SLC25A21: variants seen among roughly 807,000 people sequenced by gnomAD.
The protein encoded by SLC25A21 is mitochondrial 2-oxodicarboxylate carrier.
A neutral mutation model predicts 43.8 loss-of-function variants in SLC25A21; 47 were observed. That is an observed-to-expected ratio of 1.07 (90% confidence interval 0.85 to 1.37). The LOEUF (loss-of-function observed/expected upper bound fraction) is 1.37, where lower values mean the gene tolerates loss of function less well. Ranked by LOEUF, SLC25A21 falls within the 40% of genes most tolerant of loss-of-function variation. The pLI is 0.00. For missense variants in SLC25A21, 352 were observed against 350.2 expected (o/e 1.00, Z -0.04); for synonymous variants, 131 against 121.3 (o/e 1.08, Z -0.52).
intron 1 of SLC25A21, among the ~76,000 whole-genome samples, chr14:37,163,481 G>C (rs1216501614): frequency 6.6e-6 from 1 of 151,694 alleles, no homozygotes; most frequent in East Asian, 1.9e-4. Context: ...CAAAATAATT[G>C]ACACAAACAT....
intron 1 of SLC25A21, among the ~76,000 whole-genome samples, chr14:37,062,003 G>A (rs756305051): frequency 4.1e-5 from 6 of 146,510 alleles, no homozygotes; most frequent in Non-Finnish European, 7.7e-5. Flanking sequence ...ATGGGAAAAT[G>A]GTCCAAACAG....
At chr14:36,982,618 C>T (rs1312448800) in intron 1 of SLC25A21, among the ~76,000 whole-genome samples, 1 of 151,994 alleles carries the variant, frequency 6.6e-6, no homozygotes, top group African/African-American at 2.4e-5. Context: ...AGTTCAAGAC[C>T]AGCCTGACCA....
At chr14:36,734,388 T>G in intron 4 of SLC25A21, 119 bp downstream of exon 4, 1 of 616,616 alleles carries the variant, frequency 1.6e-6, no homozygotes, top group Non-Finnish European at 2.7e-6. Context: ...ATGCTATAAT[T>G]TCTGCATTAA....
At chr14:37,106,582 AG>A (rs367806956) in intron 1 of SLC25A21, among the ~76,000 whole-genome samples, 17 of 152,258 alleles carry the variant, frequency 1.1e-4, no homozygotes, top group African/African-American at 4.1e-4. Flanking sequence ...AGACAATACA[AG>A]CACCACTGAA....
At chr14:37,137,999 A>C (rs1963511792) in intron 1 of SLC25A21, among the ~76,000 whole-genome samples, 1 of 152,208 alleles carries the variant, frequency 6.6e-6, no homozygotes, top group South Asian at 2.1e-4. Flanking sequence ...TATGTTGCTT[A>C]CATTCCTAGA....
chr14:36,797,763 G>C (rs772938084), intron 3 of SLC25A21, among the ~76,000 whole-genome samples: 5 of 152,182 alleles, frequency 3.3e-5, no homozygotes, highest in Non-Finnish European at 5.9e-5. Flanking sequence ...TTTTTATGTA[G>C]TTGATCCCAA....
At position 36,679,922 on chromosome 14, in the gene SLC25A21, T is replaced by C; in HGVS notation, c.*736A>G. ...TGTTTCCTACTTGTGTTAGAAGAGA[T>C]TTGGAATACCTTGATTTAAACATGC... On this transcript the variant is annotated 3_prime_UTR_variant, in exon 10 of 10. Coordinates refer to ENST00000331299, the MANE Select transcript of SLC25A21 (RefSeq NM_030631.4). The C allele has an allele frequency of 2.6e-5, 24 of 933,922 alleles. No homozygotes were observed. The highest frequency in any genetic ancestry group is 3.1e-5 in the Non-Finnish European group (24 of 784,378). The allele number at this position is 933,922 out of a possible 1,614,324, so 57.9% of individuals were successfully genotyped here. A position where few individuals can be genotyped will look rare whatever the true frequency, so the allele number is the denominator to read the frequency against.
At chr14:37,005,643 T>A (rs1055667143) in intron 1 of SLC25A21, among the ~76,000 whole-genome samples, 1 of 152,096 alleles carries the variant, frequency 6.6e-6, no homozygotes, top group African/African-American at 2.4e-5. Context: ...GCAATTTACA[T>A]TCCCTTATGG....
At chr14:37,121,799 A>G (rs201940474) in intron 1 of SLC25A21, among the ~76,000 whole-genome samples, 1 of 944 alleles carries the variant, frequency 1.1e-3, no homozygotes, top group Non-Finnish European at 6.8e-3. Context: ...AAAAAGAACC[A>G]AAAAAAAACA....
intron 3 of SLC25A21, among the ~76,000 whole-genome samples, chr14:36,797,516 G>T (rs1447706579): frequency 6.6e-6 from 1 of 152,166 alleles, no homozygotes; most frequent in Non-Finnish European, 1.5e-5. Flanking sequence ...TGAAACAGCA[G>T]AAAAAGTTTA....
At chr14:36,945,101 T>C (rs187597742) in intron 1 of SLC25A21, among the ~76,000 whole-genome samples, 9 of 152,290 alleles carry the variant, frequency 5.9e-5, no homozygotes, top group Admixed American at 2.0e-4. Context: ...TTATTATTTT[T>C]AGTTCTTCAG....
chr14:36,878,430 A>G (rs940418775), intron 1 of SLC25A21, among the ~76,000 whole-genome samples: 9 of 152,216 alleles, frequency 5.9e-5, no homozygotes, highest in Admixed American at 3.3e-4. Context: ...TGTGACTTTA[A>G]TCAGAGTTCA....
chr14:36,683,255 G>T (rs1010669608), intron 9 of SLC25A21, among the ~76,000 whole-genome samples: 1 of 152,158 alleles, frequency 6.6e-6, no homozygotes, highest in Non-Finnish European at 1.5e-5. Context: ...TTTTTTTGTG[G>T]GTAGGCGTCC....
At chr14:36,780,032 T>A (rs928853209) in intron 3 of SLC25A21, among the ~76,000 whole-genome samples, 2 of 151,960 alleles carry the variant, frequency 1.3e-5, no homozygotes, top group Admixed American at 6.6e-5. Flanking sequence ...TTCTTATTGA[T>A]CTGTTCAGAT....
intron 2 of SLC25A21, among the ~76,000 whole-genome samples, chr14:36,852,730 CAT>C (rs1340609969): frequency 3.3e-5 from 5 of 152,020 alleles, no homozygotes; most frequent in African/African-American, 9.7e-5. Flanking sequence ...TCTACCATCA[CAT>C]GTTAGGCACA....
intron 2 of SLC25A21, among the ~76,000 whole-genome samples, chr14:36,857,461 T>C (rs1172253734): frequency 3.3e-5 from 5 of 152,196 alleles, no homozygotes; most frequent in Admixed American, 6.5e-5. Flanking sequence ...GGCGTAAATA[T>C]GGAGAAAACT....
chr14:37,091,825 T>A (rs1474473334), intron 1 of SLC25A21, among the ~76,000 whole-genome samples: 2 of 152,150 alleles, frequency 1.3e-5, no homozygotes, highest in Non-Finnish European at 2.9e-5. Context: ...TCTGAGTTAT[T>A]TCCCTCACTA....
At chr14:36,817,046 C>T (rs573156838) in intron 2 of SLC25A21, among the ~76,000 whole-genome samples, 6 of 151,852 alleles carry the variant, frequency 4.0e-5, no homozygotes, top group South Asian at 4.2e-4. Context: ...TCATAATATC[C>T]GTAATAAGCT....
At chr14:37,022,227 T>A (rs567779294) in intron 1 of SLC25A21, among the ~76,000 whole-genome samples, 1 of 152,118 alleles carries the variant, frequency 6.6e-6, no homozygotes, top group South Asian at 2.1e-4. Context: ...AAAACTTACT[T>A]TGTAATAATA....
Sources: gnomAD v4.1 joint callset for allele counts (sites outside exome capture counted in the v4.1 genomes callset) on GRCh38, gnomAD v4.1.1 for gene constraint, MANE v1.5 for transcripts, NCBI Gene and HGNC (gene_info 2026-07-23, HGNC 2026-07-21) for gene names.